Variants in EDC3 observed in about 807,000 individuals in gnomAD.
EDC3 encodes the protein enhancer of mRNA decapping 3.
Under a neutral mutation model 41.8 loss-of-function variants are expected in EDC3, and 20 were observed. The ratio of observed to expected loss-of-function variants is 0.48; its 90% CI spans 0.34 to 0.70. EDC3 has a LOEUF of 0.70. Ranked by LOEUF, EDC3 falls within the 30% of genes least tolerant of loss-of-function variation. The probability of loss-of-function intolerance (pLI) is 0.01; values close to 1 mark genes in which losing one functional copy is unlikely to be tolerated. For missense variants in EDC3, 444 were observed against 636.8 expected, an observed-to-expected ratio of 0.70 and a Z score of 3.26; for synonymous variants, 206 against 243.2, an observed-to-expected ratio of 0.85 and a Z score of 1.42.
At chr15:74,652,192 T>C (rs1169629219) in intron 4 of EDC3, among the ~76,000 whole-genome samples, 1 of 152,190 alleles carries the variant, frequency 6.6e-6, no homozygotes, top group African/African-American at 2.4e-5. Flanking sequence ...ATCTGTAGTC[T>C]ATTTGCCATT....
chr15:74,639,511 G>C (rs1173581075), intron 5 of EDC3: 1 of 152,150 alleles, frequency 6.6e-6, no homozygotes, highest in African/African-American at 2.4e-5. Context: ...CCAAGAGTTT[G>C]GGACCAGCCT....
rs1344109788 is a variant in EDC3 at position 74,692,219 on chromosome 15, G to T, written c.-19+3661C>A. On this transcript the variant is annotated intron_variant, in intron 1 of 6. Transcript: ENST00000315127. ...CCTTTCATCTGGCCTTTGACAGAAA[G>T]TTGACTTTTGCTTTAGGATAAAATT... is the stretch of plus-strand genomic sequence containing the variant. 2.6e-5 allele frequency among the ~76,000 whole-genome samples: 4 copies of T among 152,304 alleles called. No individual in the cohort carries two copies. The East Asian group carries it at 7.7e-4, about 29-fold the overall frequency.
intron 4 of EDC3, among the ~76,000 whole-genome samples, chr15:74,648,245 C>A (rs58763676): frequency 0.023 from 3,550 of 152,290 alleles, 142 homozygotes; most frequent in African/African-American, 0.081. Flanking sequence ...AAACAGATTT[C>A]TTGACTACCT....
chr15:74,642,784 C>G (rs537747619), intron 4 of EDC3: 1 of 152,288 alleles, frequency 6.6e-6, no homozygotes, highest in African/African-American at 2.4e-5. Flanking sequence ...TGAGGGCTCT[C>G]TGGGAGCAGG....
intron 1 of EDC3, among the ~76,000 whole-genome samples, chr15:74,686,215 C>T (rs1017897298): frequency 2.0e-5 from 3 of 152,064 alleles, no homozygotes; most frequent in African/African-American, 7.2e-5. Context: ...ATCCCAGTTA[C>T]TCAGGAGGCT....
intron 5 of EDC3, 165 bp from the exon 6 acceptor site, chr15:74,635,791 T>TA (rs1379429695): frequency 6.1e-6 from 4 of 650,578 alleles, no homozygotes; most frequent in Admixed American, 5.8e-5. Context: ...GCCAGGTCTA[T>TA]AGGGTGGCAC....
intron 3 of EDC3, among the ~76,000 whole-genome samples, chr15:74,670,597 T>G (rs1379164971): frequency 1.3e-5 from 2 of 152,036 alleles, no homozygotes; most frequent in Non-Finnish European, 2.9e-5. Context: ...GTCCGGATAA[T>G]TTTTGTATTT....
chr15:74,663,467 CA>C (rs1469738341), intron 3 of EDC3, among the ~76,000 whole-genome samples: 2 of 151,968 alleles, frequency 1.3e-5, no homozygotes, highest in African/African-American at 4.8e-5. Context: ...ATCCAAAATC[CA>C]AAAATTTCTG....
At chr15:74,638,326 C>CGTT (rs2062301194) in intron 5 of EDC3, 1 of 92,618 alleles carries the variant, frequency 1.1e-5, no homozygotes, top group Admixed American at 1.3e-4. Context: ...AACTTCAGAT[C>CGTT]TTTTTTTTTT....
rs149283560 is a variant in EDC3 at position 74,648,049 on chromosome 15, A to G, written c.821-7430T>C. 6.4e-4 allele frequency among the ~76,000 whole-genome samples: 97 copies of G among 152,316 alleles called. 1 individual carries two copies. Among genetic ancestry groups the G allele is most frequent in the African/African-American group, 2.3e-3 (95 of 41,568 alleles). ...GGTTGGGTCTATGGGTGAGAAGGCA[A>G]TGAGATGCTGACCAGCTCCATGGTG... is the stretch of plus-strand genomic sequence containing the variant. On this transcript the variant is annotated intron_variant, in intron 4 of 6. Transcript: ENST00000315127.
intron 2 of EDC3, among the ~76,000 whole-genome samples, chr15:74,674,455 G>A (rs1383822784): frequency 6.6e-6 from 1 of 152,096 alleles, no homozygotes; most frequent in Non-Finnish European, 1.5e-5. Context: ...CAGTGAATTT[G>A]GCCATTAGGT....
chr15:74,672,193 C>T (rs901948265), intron 2 of EDC3, among the ~76,000 whole-genome samples: 41 of 149,588 alleles, frequency 2.7e-4, no homozygotes, highest in African/African-American at 9.4e-4. Context: ...GGCGTGAACC[C>T]GGGAGGCGGA....
chr15:74,670,124 G>C (rs2062723296), intron 3 of EDC3, among the ~76,000 whole-genome samples: 1 of 148,502 alleles, frequency 6.7e-6, no homozygotes, highest in Non-Finnish European at 1.5e-5. Flanking sequence ...TCCTGAAGTA[G>C]TGAGATTACA....
At chr15:74,684,861 A>T (rs1340295222) in intron 1 of EDC3, among the ~76,000 whole-genome samples, 2 of 152,144 alleles carry the variant, frequency 1.3e-5, no homozygotes, top group Non-Finnish European at 2.9e-5. Flanking sequence ...CTGTAATCCC[A>T]GCACTTTAGG....
chr15:74,683,716 G>A (rs2062901571), intron 1 of EDC3, among the ~76,000 whole-genome samples: 1 of 151,796 alleles, frequency 6.6e-6, no homozygotes, highest in African/African-American at 2.4e-5. Flanking sequence ...TATCTCAGAA[G>A]TTTAATTAAA....
intron 1 of EDC3, among the ~76,000 whole-genome samples, chr15:74,682,442 C>A (rs960825068): frequency 6.6e-6 from 1 of 151,448 alleles, no homozygotes; most frequent in South Asian, 2.1e-4. Flanking sequence ...CACGGTGAAA[C>A]CCCGTCTCTA....
chr15:74,686,772 T>G (rs2062942808), intron 1 of EDC3, among the ~76,000 whole-genome samples: 3 of 151,970 alleles, frequency 2.0e-5, no homozygotes, highest in Admixed American at 1.3e-4. Flanking sequence ...AGAGCAAGAC[T>G]TTGTCTCAAA....
At chr15:74,670,793 G>T (rs889404060) in intron 3 of EDC3, among the ~76,000 whole-genome samples, 11 of 152,138 alleles carry the variant, frequency 7.2e-5, no homozygotes, top group Admixed American at 2.0e-4. Context: ...ACAAAACTGG[G>T]CAGCAACAGA....
intron 1 of EDC3, among the ~76,000 whole-genome samples, chr15:74,680,087 C>T (rs1009934196): frequency 6.6e-6 from 1 of 151,310 alleles, no homozygotes; most frequent in Non-Finnish European, 1.5e-5. Context: ...ATGGTGAAAC[C>T]CTGTCTCTAC....
Sources: allele counts gnomAD v4.1 joint callset (sites outside exome capture counted in the v4.1 genomes callset), GRCh38; gene constraint gnomAD v4.1.1; transcripts MANE v1.5; gene names NCBI Gene and HGNC (gene_info 2026-07-23, HGNC 2026-07-21).